COP1: variants seen among roughly 807,000 people sequenced by gnomAD.
COP1 encodes E3 ubiquitin-protein ligase COP1.
In COP1, 24 loss-of-function variants were observed where a neutral mutation model predicts 101.3. The observed-to-expected ratio is 0.24, with a 90% CI of 0.17 to 0.33. The LOEUF (loss-of-function observed/expected upper bound fraction) is 0.33, where lower values mean the gene tolerates loss of function less well. Among genes scored for constraint, COP1 ranks in the 10% least tolerant of loss-of-function variants. The probability of loss-of-function intolerance (pLI) is 1.00; values close to 1 mark genes in which losing one functional copy is unlikely to be tolerated. For synonymous variants in COP1, 347 were observed against 341.9 expected (o/e 1.01, Z -0.17); for missense variants, 663 against 906.2 (o/e 0.73, Z 3.45).
At chr1:176,022,250 AAGAC>A (rs1384184239) in intron 15 of COP1, among the ~76,000 whole-genome samples, 1 of 152,216 alleles carries the variant, frequency 6.6e-6, no homozygotes, top group African/African-American at 2.4e-5. Context: ...AGATCTAAGC[AAGAC>A]AGACAGGGAA....
At position 176,207,262 on chromosome 1, in the gene COP1, GC is replaced by G. The variant is rs1223713448; in HGVS notation, c.-285del. On this transcript the variant is annotated 5_prime_UTR_variant, in exon 1 of 20. Coordinates refer to ENST00000367669, the MANE Select transcript of COP1 (RefSeq NM_022457.7). Reference sequence around the variant, plus strand: ...TAGCAGCCAACCCCGGCGCGCCGTGGCCGGCCGTGCGCGCGCGCGCGAGCGG... The same window carrying G: ...TAGCAGCCAACCCCGGCGCGCCGTGGCGGCCGTGCGCGCGCGCGCGAGCGG... 1.5e-5 allele frequency: 6 copies of G among 390,870 alleles called. No individual in the cohort carries two copies. Among genetic ancestry groups the G allele is most frequent in the African/African-American group, 1.0e-4 (5 of 47,996 alleles). 24.2% of individuals were successfully genotyped at this position (390,870 alleles called of 1,614,324 possible).
chr1:176,153,189 T>G (rs1228589030), intron 5 of COP1, among the ~76,000 whole-genome samples: 5 of 152,030 alleles, frequency 3.3e-5, no homozygotes, highest in Non-Finnish European at 5.9e-5. Flanking sequence ...GTACAGAAGG[T>G]TGTAAGGAAG....
intron 6 of COP1, among the ~76,000 whole-genome samples, chr1:176,141,983 C>T (rs1056618701): frequency 6.6e-6 from 1 of 152,036 alleles, no homozygotes; most frequent in Non-Finnish European, 1.5e-5. Flanking sequence ...GATCCTCCTA[C>T]CTTCGCCAAC....
intron 15 of COP1, among the ~76,000 whole-genome samples, chr1:176,009,110 T>C (rs558330311): frequency 6.6e-6 from 1 of 152,316 alleles, no homozygotes; most frequent in Admixed American, 6.5e-5. Flanking sequence ...TAGGTACACG[T>C]CAGAGCTTCT....
rs777207616 is a variant in COP1, at chr1:176,116,618, G to A, written c.1026+6C>T. On this transcript the variant is annotated splice_donor_region_variant and intron_variant, in intron 9 of 19. Coordinates refer to ENST00000367669, the MANE Select transcript of COP1 (RefSeq NM_022457.7). Reference sequence around the variant, plus strand: ...TATCATTAAAGCAAACAAAGATATCGTTTACCTGAGAACTGCCACTGAAAC... The same window carrying A: ...TATCATTAAAGCAAACAAAGATATCATTTACCTGAGAACTGCCACTGAAAC... The A allele has an allele frequency of 2.4e-5, 39 of 1,600,290 alleles. No homozygotes were observed. Among genetic ancestry groups the A allele is most frequent in the South Asian group, 3.3e-5 (3 of 90,392 alleles).
intron 11 of COP1, among the ~76,000 whole-genome samples, chr1:176,065,970 C>T (rs141250395): frequency 1.4e-3 from 212 of 152,188 alleles, no homozygotes; most frequent in African/African-American, 4.8e-3. Flanking sequence ...ACCTCAAACA[C>T]CTGCCTCGGC....
chr1:176,149,351 T>G (rs1384784323), intron 5 of COP1, among the ~76,000 whole-genome samples: 1 of 152,122 alleles, frequency 6.6e-6, no homozygotes, highest in African/African-American at 2.4e-5. Flanking sequence ...GCAATTCTAT[T>G]ACCTGACTCC....
chr1:176,083,120 T>C (rs1219922309), intron 10 of COP1, among the ~76,000 whole-genome samples: 2 of 152,204 alleles, frequency 1.3e-5, no homozygotes, highest in African/African-American at 2.4e-5. Context: ...CCAACTGTAC[T>C]GCAGAGTGGT....
intron 9 of COP1, among the ~76,000 whole-genome samples, chr1:176,090,966 T>C (rs1681171344): frequency 6.6e-6 from 1 of 152,236 alleles, no homozygotes; most frequent in Admixed American, 6.5e-5. Context: ...ACTGTGTTTT[T>C]GTCTATACAG....
At chr1:176,118,766 A>AAACT (rs1266404317) in intron 8 of COP1, among the ~76,000 whole-genome samples, 1 of 152,152 alleles carries the variant, frequency 6.6e-6, no homozygotes, top group African/African-American at 2.4e-5. Flanking sequence ...ACAAACAAAC[A>AAACT]AACAAAAAAA....
At chr1:176,025,459 C>CA (rs543516890) in intron 15 of COP1, among the ~76,000 whole-genome samples, 10,862 of 78,668 alleles carry the variant, frequency 0.14, 443 homozygotes, top group Admixed American at 0.17. Context: ...CTACATTTAG[C>CA]AAAAAAAAAA....
Position 176,127,561 on chromosome 1 carries a change from CTGTGTGTG to C in COP1, c.968+7441_968+7448del, listed in dbSNP as rs71129555. On this transcript the variant is annotated intron_variant, in intron 8 of 19. Coordinates refer to ENST00000367669, the MANE Select transcript of COP1 (RefSeq NM_022457.7). ...CTTTTTAAGGTGGAATAGTATTCTACTGTGTGTGTGTGTGTGTGTGTGTGTGTGTATGT... is the reference window on the plus strand; with the variant it reads ...CTTTTTAAGGTGGAATAGTATTCTACTGTGTGTGTGTGTGTGTGTGTATGT... 3.2e-4 allele frequency among the ~76,000 whole-genome samples: 48 copies of C among 148,264 alleles called. No individual in the cohort carries two copies. In the East Asian group the frequency reaches 4.9e-3, roughly 15 times the overall value.
At chr1:176,084,183 C>T (rs1045123073) in intron 10 of COP1, among the ~76,000 whole-genome samples, 1 of 152,082 alleles carries the variant, frequency 6.6e-6, no homozygotes, top group African/African-American at 2.4e-5. Context: ...ATGAACTCTA[C>T]CAGTCAGAAT....
intron 9 of COP1, among the ~76,000 whole-genome samples, chr1:176,115,668 G>C (rs528252770): frequency 1.3e-5 from 2 of 151,314 alleles, no homozygotes; most frequent in Non-Finnish European, 2.9e-5. Flanking sequence ...AGAATCACTT[G>C]AACCCAGGAG....
At chr1:175,984,271 C>T (rs1656577385) in intron 18 of COP1, among the ~76,000 whole-genome samples, 1 of 152,202 alleles carries the variant, frequency 6.6e-6, no homozygotes, top group Non-Finnish European at 1.5e-5. Context: ...TCCTGTGTCC[C>T]TGCCGCTCCA....
intron 15 of COP1, among the ~76,000 whole-genome samples, chr1:175,996,286 A>T (rs912063207): frequency 2.0e-5 from 3 of 152,270 alleles, no homozygotes; most frequent in African/African-American, 7.2e-5. Flanking sequence ...CCCGCAGCCA[A>T]TATCATACTG....
rs930846431 is a variant in COP1, at chr1:176,006,291, ACT to A, written c.1730-16814_1730-16813del. 2.6e-3 allele frequency among the ~76,000 whole-genome samples: 399 copies of A among 151,792 alleles called. 2 individuals are homozygous for A. The highest frequency in any genetic ancestry group is 9.2e-3 in the African/African-American group (381 of 41,368). On this transcript the variant is annotated intron_variant, in intron 15 of 19. Transcript: ENST00000367669. ...GAATACAGCACACTGATGGGTCTTG[ACT>A]CTTTATCCAATTTGCCAGTCTGTGT...
chr1:175,971,742 A>C (rs1053827613), intron 18 of COP1, among the ~76,000 whole-genome samples: 29 of 152,098 alleles, frequency 1.9e-4, no homozygotes, highest in African/African-American at 7.0e-4. Flanking sequence ...CAGATCTTTG[A>C]CTCCAGCTGT....
chr1:176,121,774 G>A (rs1363302375), intron 8 of COP1, among the ~76,000 whole-genome samples: 2 of 152,000 alleles, frequency 1.3e-5, no homozygotes, highest in Non-Finnish European at 1.5e-5. Flanking sequence ...TGAATTTCAA[G>A]GACACAAATT....
Sources: gnomAD v4.1 joint callset for allele counts (sites outside exome capture counted in the v4.1 genomes callset) on GRCh38, gnomAD v4.1.1 for gene constraint, MANE v1.5 for transcripts, NCBI Gene and HGNC (gene_info 2026-07-23, HGNC 2026-07-21) for gene names.